The following PCLO variants were observed in gnomAD, a reference collection of about 807,000 sequenced individuals.
PCLO encodes protein piccolo.
In PCLO, 82 loss-of-function variants were observed where a neutral mutation model predicts 427.5. The observed-to-expected ratio is 0.19, with a 90% CI of 0.16 to 0.23. PCLO has a LOEUF of 0.23. PCLO is among the 10% of genes least tolerant of loss of function. The probability of loss-of-function intolerance (pLI) is 1.00; values close to 1 mark genes in which losing one functional copy is unlikely to be tolerated. For synonymous variants in PCLO, 2,357 were observed against 2,155.4 expected (o/e 1.09, Z -2.59); for missense variants, 6,239 against 6,115.9 (o/e 1.02, Z -0.67).
intron 18 of PCLO, among the ~76,000 whole-genome samples, chr7:82,825,763 C>T (rs946836758): frequency 8.2e-6 from 1 of 121,764 alleles, no homozygotes; most frequent in African/African-American, 2.5e-5. Context: ...GACATATATA[C>T]ATTGTATATA....
chr7:82,812,412 T>G (rs765412243), intron 20 of PCLO, among the ~76,000 whole-genome samples: 1 of 151,574 alleles, frequency 6.6e-6, no homozygotes, highest in African/African-American at 2.4e-5. Flanking sequence ...GAAATCATAA[T>G]GTTGCCTTTT....
chr7:82,996,799 C>G (rs1787628117), intron 3 of PCLO, among the ~76,000 whole-genome samples: 2 of 151,958 alleles, frequency 1.3e-5, no homozygotes, highest in Non-Finnish European at 2.9e-5. Context: ...CTCTTAACCA[C>G]TTTCAAAGAA....
intron 3 of PCLO, among the ~76,000 whole-genome samples, chr7:83,050,019 A>G (rs1789194500): frequency 6.7e-6 from 1 of 149,972 alleles, no homozygotes; most frequent in East Asian, 2.0e-4. Context: ...TGACCCATAT[A>G]CAGTCTTCTT....
At chr7:82,967,102 G>T (rs1795793514) in intron 3 of PCLO, among the ~76,000 whole-genome samples, 1 of 151,848 alleles carries the variant, frequency 6.6e-6, no homozygotes, top group Admixed American at 6.6e-5. Flanking sequence ...ATTACCTCAT[G>T]CAGTTGAATA....
At chr7:83,105,510 C>CA (rs11390392) in intron 3 of PCLO, among the ~76,000 whole-genome samples, 69,098 of 151,196 alleles carry the variant, frequency 0.46, 16,115 homozygotes, top group East Asian at 0.71. Context: ...CAAAACAAAA[C>CA]AAAAAAACAA....
chr7:83,096,566 T>C (rs1287585854), intron 3 of PCLO, among the ~76,000 whole-genome samples: 1 of 151,194 alleles, frequency 6.6e-6, no homozygotes, highest in Non-Finnish European at 1.5e-5. Context: ...ACGCTATGTA[T>C]GTCAGCTATG....
chr7:83,144,101 T>G (rs1272297649), intron 2 of PCLO, among the ~76,000 whole-genome samples: 2 of 152,202 alleles, frequency 1.3e-5, no homozygotes, highest in Admixed American at 6.5e-5. Flanking sequence ...CATGTTGACT[T>G]AAGAAGGAAA....
intron 8 of PCLO, 69 bp from the exon 9 acceptor site, chr7:82,902,810 G>T: frequency 1.3e-6 from 1 of 759,370 alleles, no homozygotes; most frequent in Non-Finnish European, 2.3e-6. Flanking sequence ...TACATAATTA[G>T]AATGGTTCAT....
chr7:82,873,202 T>C (rs1793282190), intron 10 of PCLO, among the ~76,000 whole-genome samples: 1 of 37,364 alleles, frequency 2.7e-5, no homozygotes, highest in Non-Finnish European at 5.6e-5. Flanking sequence ...TTTTTTTTTG[T>C]ACATTCGAAC....
At chr7:82,829,354 A>T (rs1792032173) in intron 16 of PCLO, among the ~76,000 whole-genome samples, 1 of 152,148 alleles carries the variant, frequency 6.6e-6, no homozygotes, top group Admixed American at 6.6e-5. Context: ...TGACTTGATT[A>T]GTCTGGGATG....
At chr7:83,093,212 G>A (rs1408392326) in intron 3 of PCLO, among the ~76,000 whole-genome samples, 4 of 151,116 alleles carry the variant, frequency 2.6e-5, no homozygotes, top group Non-Finnish European at 5.9e-5. Context: ...ATCAAAGAGA[G>A]CAAAATGTTT....
intron 3 of PCLO, among the ~76,000 whole-genome samples, chr7:83,075,866 C>T (rs1789938343): frequency 6.6e-6 from 1 of 151,984 alleles, no homozygotes; most frequent in Non-Finnish European, 1.5e-5. Flanking sequence ...TTTGATATAT[C>T]TTTTATAGTT....
chr7:82,953,228 G>A lies in PCLO; in HGVS notation c.7725C>T (p.Ser2575=). ...SNKSSPRFSK[S]LTETYVVITL... is the part of the protein sequence containing the mutation. Reference sequence around the variant, plus strand: ...TAATAACTACATAAGTTTCTGTGAGGGATTTGGAAAATCTTGGTGAAGACT... The same window carrying A: ...TAATAACTACATAAGTTTCTGTGAGAGATTTGGAAAATCTTGGTGAAGACT... The change falls in exon 5 of 25, where the codon TCC becomes TCT. Residue 2575 remains serine, a synonymous_variant. Coordinates refer to ENST00000333891, the MANE Select transcript of PCLO (RefSeq NM_033026.6). The A allele has an allele frequency of 6.2e-7, 1 of 1,613,896 alleles. No individual in the cohort carries two copies. Among genetic ancestry groups the A allele is most frequent in the Non-Finnish European group, 8.5e-7 (1 of 1,179,850 alleles).
At position 82,954,492 on chromosome 7, in the gene PCLO, T is replaced by C; in HGVS notation, c.6461A>G (p.Gln2154Arg). 1 of 1,613,994 alleles carries C rather than the reference T, an allele frequency of 6.2e-7. No individual in the cohort carries two copies. Among genetic ancestry groups the C allele is most frequent in the South Asian group, 1.1e-5 (1 of 91,088 alleles). The change falls in exon 5 of 25, where the codon CAA becomes CGA. Residue 2154 changes from glutamine (Q) to arginine (R), a missense_variant. Physicochemically the swap from Gln to Arg is conservative, Grantham distance 43. Transcript: ENST00000333891. ...CAGCGATTCATGGGCAATTATCTCT[T>C]GAATTTCTCTTGTATAATCGGTTAC... is the stretch of plus-strand genomic sequence containing the variant. ...EYVTDYTREI[Q>R]EIIAHESLIL... is the part of the protein sequence containing the mutation.
chr7:82,811,258 A>G (rs1791563015), intron 20 of PCLO, among the ~76,000 whole-genome samples: 1 of 151,592 alleles, frequency 6.6e-6, no homozygotes, highest in African/African-American at 2.4e-5. Context: ...GAAATCAAGT[A>G]TTTGGGAATT....
At chr7:82,989,816 G>A (rs1796337621) in intron 3 of PCLO, among the ~76,000 whole-genome samples, 1 of 150,370 alleles carries the variant, frequency 6.7e-6, no homozygotes, top group Admixed American at 6.6e-5. Context: ...TGAGTGTCAT[G>A]AGGAAGAGTT....
intron 2 of PCLO, among the ~76,000 whole-genome samples, chr7:83,140,484 T>C (rs942701109): frequency 2.6e-5 from 4 of 152,134 alleles, no homozygotes; most frequent in African/African-American, 7.2e-5. Flanking sequence ...AACAACAAAC[T>C]GTAAAGATTT....
intron 22 of PCLO, among the ~76,000 whole-genome samples, chr7:82,792,898 A>G (rs373068935): frequency 2.1e-4 from 32 of 152,234 alleles, no homozygotes; most frequent in African/African-American, 7.0e-4. Flanking sequence ...TTAAACTAAC[A>G]TTTGGAATTT....
chr7:83,026,458 G>C (rs1788500318), intron 3 of PCLO, among the ~76,000 whole-genome samples: 1 of 152,226 alleles, frequency 6.6e-6, no homozygotes, highest in South Asian at 2.1e-4. Context: ...CATAAAGCAA[G>C]TCCTGAGTGA....
Sources: allele counts gnomAD v4.1 joint callset (sites outside exome capture counted in the v4.1 genomes callset), GRCh38; gene constraint gnomAD v4.1.1; transcripts MANE v1.5; gene names NCBI Gene and HGNC (gene_info 2026-07-23, HGNC 2026-07-21).